The following PHF2 variants were observed in gnomAD, a reference collection of about 807,000 sequenced individuals.
PHF2 encodes PHD finger protein 2.
In PHF2, 27 loss-of-function variants were observed where a neutral mutation model predicts 120.5. The observed-to-expected ratio is 0.22, with a 90% confidence interval of 0.17 to 0.31. PHF2 has a LOEUF of 0.31. Among genes scored for constraint, PHF2 ranks in the 10% least tolerant of loss-of-function variants. The pLI, the probability that PHF2 is intolerant of heterozygous loss-of-function variation, is 1.00. For synonymous variants in PHF2, 568 were observed against 592.5 expected (o/e 0.96, Z 0.60); for missense variants, 1,024 against 1,434.8 (o/e 0.71, Z 4.63).
intron 14 of PHF2, among the ~76,000 whole-genome samples, chr9:93,664,576 G>A (rs1322533740): frequency 6.6e-6 from 1 of 152,228 alleles, no homozygotes; most frequent in East Asian, 1.9e-4. Flanking sequence ...TCTGGGTGGT[G>A]GAGAAAGGGA....
chr9:93,648,457 A>G (rs1255306973), intron 4 of PHF2, among the ~76,000 whole-genome samples: 1 of 151,940 alleles, frequency 6.6e-6, no homozygotes, highest in Non-Finnish European at 1.5e-5. Flanking sequence ...TCCACACTAA[A>G]CCCCATGGCC....
rs551826920 is a variant in PHF2 at position 93,653,689 on chromosome 9, TAGCCAGGGCCCCGCACAGG to T, written c.789+333_789+351del. Among the ~76,000 whole-genome samples the T allele has an allele frequency of 8.9e-3, 1,360 of 152,218 alleles. 9 individuals carry two copies. The highest frequency in any genetic ancestry group is 0.015 in the Non-Finnish European group (1,020 of 67,986). ...AACATCCTGGAAGAGGGGCCAGCCA[TAGCCAGGGCCCCGCACAGG>T]AGCCAGGGGGCAGGAGAGGGGCATC... On this transcript the variant is annotated intron_variant, in intron 6 of 21. Transcript: ENST00000359246.
At chr9:93,667,577 G>T (rs1212389063) in intron 17 of PHF2, among the ~76,000 whole-genome samples, 1 of 152,130 alleles carries the variant, frequency 6.6e-6, no homozygotes, top group East Asian at 1.9e-4. Context: ...GGGGGCAGAG[G>T]TGTAGCCCCC....
At position 93,659,617 on chromosome 9, in the gene PHF2, G is replaced by A. The variant is rs763124523; in HGVS notation, c.1329+17G>A. 1.2e-6 allele frequency: 2 copies of A among 1,609,014 alleles called. No homozygotes were observed. Among genetic ancestry groups the A allele is most frequent in the Non-Finnish European group, 1.7e-6 (2 of 1,175,662 alleles). On this transcript the variant is annotated intron_variant, in intron 11 of 21. Transcript: ENST00000359246. ...CTCAGTGAGGTGGGGCCGTGTCCAG[G>A]TGCTGGGCTGGACCCCTGGGGATTG...
chr9:93,634,707 A>G (rs182797995), intron 2 of PHF2, among the ~76,000 whole-genome samples: 2 of 152,362 alleles, frequency 1.3e-5, no homozygotes, highest in African/African-American at 4.8e-5. Context: ...CAGTGTGACA[A>G]GGATGGGAGA....
chr9:93,602,802 G>C (rs576712631), intron 1 of PHF2, among the ~76,000 whole-genome samples: 1 of 152,160 alleles, frequency 6.6e-6, no homozygotes, highest in Non-Finnish European at 1.5e-5. Flanking sequence ...GATTGTAGTC[G>C]AGTTTTATAG....
chr9:93,668,038 A>AT (rs1826714650), intron 17 of PHF2, among the ~76,000 whole-genome samples: 1 of 152,290 alleles, frequency 6.6e-6, no homozygotes, highest in Admixed American at 6.5e-5. Context: ...TTTTAGACAG[A>AT]TGGGGGGCTT....
chr9:93,660,800 G>T (rs757305948), intron 12 of PHF2, among the ~76,000 whole-genome samples: 2 of 152,324 alleles, frequency 1.3e-5, no homozygotes, highest in South Asian at 4.1e-4. Context: ...GACAGGCTTT[G>T]CCCAACAAGC....
chr9:93,676,455 C>A, intron 20 of PHF2, 139 bp from the exon 21 acceptor site: 1 of 1,004,068 alleles, frequency 1.0e-6, no homozygotes. Flanking sequence ...CCCCTGGCGG[C>A]CCAGAGTCAG....
Position 93,593,105 on chromosome 9 carries a change from A to G in PHF2, c.98+16234A>G, listed in dbSNP as rs6479498. On this transcript the variant is annotated intron_variant, in intron 1 of 21. Transcript: ENST00000359246. ...ATGCCAAAAAAAAAAAAAAAAAAAA[A>G]AAAAAAGAAAAAAAAAGGACTAAGA... Among the ~76,000 whole-genome samples the G allele has an allele frequency of 7.3e-3, 895 of 122,664 alleles. 47 individuals are homozygous for G. The highest frequency in any genetic ancestry group is 0.028 in the African/African-American group (829 of 30,110). 80.5% of individuals were successfully genotyped at this position (122,664 alleles called of 152,430 possible).
At chr9:93,633,359 G>T (rs757680291) in intron 2 of PHF2, among the ~76,000 whole-genome samples, 2 of 152,236 alleles carry the variant, frequency 1.3e-5, no homozygotes, top group African/African-American at 4.8e-5. Flanking sequence ...ACTCGGGAAG[G>T]CATCCCCATC....
In PHF2 at chr9:93,677,474, G is replaced by C; in HGVS notation, c.3203-114G>C. 1.3e-6 allele frequency: 1 copy of C among 749,924 alleles called. No individual in the cohort carries two copies. Among genetic ancestry groups the C allele is most frequent in the East Asian group, 2.5e-5 (1 of 40,612 alleles). 46.5% of individuals were successfully genotyped at this position (749,924 alleles called of 1,614,324 possible). A position where few individuals can be genotyped will look rare whatever the true frequency, so the allele number is the denominator to read the frequency against. On this transcript the variant is annotated intron_variant, in intron 21 of 21. Coordinates refer to ENST00000359246, the MANE Select transcript of PHF2 (RefSeq NM_005392.4). The surrounding 1 kb of genome is among the most constrained non-coding windows in gnomAD (Gnocchi z 4.4). ...GCTTCATAGGCCCATTTTACAGATG[G>C]GGGACTGCAGGCTGCCCCTTAGTGT...
rs1321534622 is a variant in PHF2, at chr9:93,677,606, G to A, written c.3221G>A (p.Gly1074Asp). 1 of 1,613,740 alleles carries A rather than the reference G, an allele frequency of 6.2e-7. No individual in the cohort carries two copies. The highest frequency in any genetic ancestry group is 8.5e-7 in the Non-Finnish European group (1 of 1,179,950). The change falls in exon 22 of 22, where the codon GGC (glycine) becomes GAC (aspartate). Residue 1074 changes from glycine to aspartate, a missense_variant. Coordinates refer to ENST00000359246, the MANE Select transcript of PHF2 (RefSeq NM_005392.4). The surrounding 1 kb of genome is among the most constrained non-coding windows in gnomAD (Gnocchi z 4.4). ...TAAKGKRTKKGMATAKQRLGK... is the reference protein window; with the variant it reads ...TAAKGKRTKKDMATAKQRLGK... ...CCCCTAGGAAAACGTACGAAAAAGG[G>A]CATGGCGACCGCCAAGCAGAGGCTT...
chr9:93,594,493 C>T (rs1212922994), intron 1 of PHF2, among the ~76,000 whole-genome samples: 1 of 152,212 alleles, frequency 6.6e-6, no homozygotes, highest in East Asian at 1.9e-4. Context: ...CAGGGCGTGT[C>T]ACAGCTGTCA....
At position 93,679,296 on chromosome 9, in the gene PHF2, G is replaced by A; in HGVS notation, c.*1620G>A. 1 of 455,212 alleles carries A rather than the reference G, an allele frequency of 2.2e-6. No homozygotes were observed. Among genetic ancestry groups the A allele is most frequent in the Non-Finnish European group, 4.4e-6 (1 of 226,844 alleles). 28.2% of individuals were successfully genotyped at this position (455,212 alleles called of 1,614,324 possible). ...CCCGAGACTGGGTGGGAGAGGGGGAGTCTCACGGGGCCCCAGGCTTATTCA... is the reference window on the plus strand; with the variant it reads ...CCCGAGACTGGGTGGGAGAGGGGGAATCTCACGGGGCCCCAGGCTTATTCA... On this transcript the variant is annotated 3_prime_UTR_variant, in exon 22 of 22. Coordinates refer to ENST00000359246, the MANE Select transcript of PHF2 (RefSeq NM_005392.4).
chr9:93,624,703 TAGAGG>T (rs1825881687), intron 1 of PHF2, among the ~76,000 whole-genome samples: 1 of 151,066 alleles, frequency 6.6e-6, no homozygotes, highest in Non-Finnish European at 1.5e-5. Flanking sequence ...GCGATGGTGG[TAGAGG>T]TGATGATGAT....
At chr9:93,645,860 G>T in intron 4 of PHF2, 71 bp downstream of exon 4, 1 of 1,478,986 alleles carries the variant, frequency 6.8e-7, no homozygotes, top group Non-Finnish European at 9.1e-7. Flanking sequence ...CACTGTGCAT[G>T]CTGTTTCCCC....
At chr9:93,676,993 C>T in intron 21 of PHF2, 30 bp downstream of exon 21, 1 of 1,490,006 alleles carries the variant, frequency 6.7e-7, no homozygotes, top group Non-Finnish European at 9.0e-7. Context: ...GAGCCTGCAG[C>T]CCCCCTGCCC....
intron 1 of PHF2, among the ~76,000 whole-genome samples, chr9:93,601,597 C>G (rs948688378): frequency 6.6e-5 from 10 of 152,004 alleles, no homozygotes; most frequent in African/African-American, 2.4e-4. Flanking sequence ...CCCAGGCTGG[C>G]CCACTGCTGC....
Sources: gnomAD v4.1 joint callset for allele counts (sites outside exome capture counted in the v4.1 genomes callset) on GRCh38, gnomAD v4.1.1 for gene constraint, Gnocchi (gnomAD v3.1) non-coding constraint, MANE v1.5 for transcripts, NCBI Gene and HGNC (gene_info 2026-07-23, HGNC 2026-07-21) for gene names.